Variants in MITF observed in about 807,000 individuals in gnomAD.
MITF encodes melanocyte inducing transcription factor, also known as microphthalmia-associated transcription factor.
Under a neutral mutation model 60.5 loss-of-function variants are expected in MITF, and 17 were observed. The ratio of observed to expected loss-of-function variants is 0.28; its 90% CI spans 0.19 to 0.42. The LOEUF (loss-of-function observed/expected upper bound fraction) is 0.42, where lower values mean the gene tolerates loss of function less well. MITF is among the 10% of genes least tolerant of loss of function. The pLI is 1.00. For missense variants in MITF, 622 were observed against 683.5 expected (o/e 0.91, Z 1.00); for synonymous variants, 260 against 248.5 (o/e 1.05, Z -0.43).
intron 1 of MITF, among the ~76,000 whole-genome samples, chr3:69,834,391 C>CT (rs2063505355): frequency 6.6e-6 from 1 of 152,092 alleles, no homozygotes; most frequent in Admixed American, 6.6e-5. Context: ...TGTTTTACCC[C>CT]TTAGATTTCA....
intron 1 of MITF, among the ~76,000 whole-genome samples, chr3:69,743,474 G>A (rs1703608177): frequency 6.6e-6 from 1 of 152,184 alleles, no homozygotes; most frequent in African/African-American, 2.4e-5. Flanking sequence ...AGATATTCAA[G>A]TCTTTCATGA....
intron 2 of MITF, among the ~76,000 whole-genome samples, chr3:69,930,004 C>T (rs1159214634): frequency 6.6e-6 from 1 of 152,060 alleles, no homozygotes; most frequent in Non-Finnish European, 1.5e-5. Flanking sequence ...CCCCCGCCCC[C>T]AACAAAAATG....
intron 1 of MITF, among the ~76,000 whole-genome samples, chr3:69,856,857 T>C (rs1575827020): frequency 6.6e-6 from 1 of 152,192 alleles, no homozygotes; most frequent in East Asian, 1.9e-4. Context: ...ATTGTTTCTT[T>C]CTAGTAAATG....
intron 1 of MITF, among the ~76,000 whole-genome samples, chr3:69,776,386 C>T (rs1031677290): frequency 1.3e-5 from 2 of 152,168 alleles, no homozygotes; most frequent in Non-Finnish European, 2.9e-5. Context: ...CTCTGGAGGG[C>T]CTGGCTTCTG....
chr3:69,866,900 G>C (rs561943242), intron 1 of MITF, among the ~76,000 whole-genome samples: 4 of 136,706 alleles, frequency 2.9e-5, no homozygotes, highest in Non-Finnish European at 4.7e-5. Context: ...TTGCATTCTT[G>C]TATATTGATT....
chr3:69,740,596 T>G (rs1191914739), intron 1 of MITF, among the ~76,000 whole-genome samples: 1 of 152,118 alleles, frequency 6.6e-6, no homozygotes, highest in Non-Finnish European at 1.5e-5. Flanking sequence ...ATGGATTGGG[T>G]GTCTTCCGTT....
At chr3:69,778,620 A>C (rs1027243623) in intron 1 of MITF, among the ~76,000 whole-genome samples, 14 of 152,276 alleles carry the variant, frequency 9.2e-5, no homozygotes, top group African/African-American at 3.4e-4. Context: ...ACACTTTAAG[A>C]AGAGTGTAAA....
chr3:69,831,671 C>G (rs1036877422), intron 1 of MITF, among the ~76,000 whole-genome samples: 9 of 152,180 alleles, frequency 5.9e-5, no homozygotes, highest in Non-Finnish European at 1.3e-4. Flanking sequence ...TTTTACCCCT[C>G]AGTGCCAGGT....
chr3:69,828,818 A>T (rs2063397793), intron 1 of MITF, among the ~76,000 whole-genome samples: 1 of 152,158 alleles, frequency 6.6e-6, no homozygotes, highest in East Asian at 1.9e-4. Flanking sequence ...GAACTTGCTA[A>T]TTTTATTCCT....
chr3:69,746,369 G>A (rs1703728648), intron 1 of MITF, among the ~76,000 whole-genome samples: 1 of 152,004 alleles, frequency 6.6e-6, no homozygotes. Context: ...TGTATCTTGG[G>A]ACAAATCAAA....
At chr3:69,746,461 T>C (rs1703731270) in intron 1 of MITF, among the ~76,000 whole-genome samples, 1 of 152,202 alleles carries the variant, frequency 6.6e-6, no homozygotes, top group Admixed American at 6.5e-5. Flanking sequence ...AATCCTTGGC[T>C]ACTTTCTTTT....
At chr3:69,839,886 C>G (rs1323435660) in intron 1 of MITF, among the ~76,000 whole-genome samples, 1 of 152,050 alleles carries the variant, frequency 6.6e-6, no homozygotes, top group Admixed American at 6.6e-5. Flanking sequence ...CCCCATCCCC[C>G]TCCCCCCACA....
intron 5 of MITF, among the ~76,000 whole-genome samples, chr3:69,945,631 TAGAA>T (rs2066076510): frequency 6.6e-6 from 1 of 152,222 alleles, no homozygotes. Flanking sequence ...GAGCGGTTGA[TAGAA>T]AGAACATACA....
chr3:69,845,413 T>A (rs927442709), intron 1 of MITF, among the ~76,000 whole-genome samples: 1 of 150,532 alleles, frequency 6.6e-6, no homozygotes, highest in African/African-American at 2.4e-5. Context: ...TTCTTTGTTT[T>A]CTTTTCTTTT....
At chr3:69,931,864 C>A (rs1022779640) in intron 2 of MITF, among the ~76,000 whole-genome samples, 2 of 152,170 alleles carry the variant, frequency 1.3e-5, no homozygotes, top group Non-Finnish European at 2.9e-5. Flanking sequence ...TTCGCCTCTG[C>A]GGACAGAATA....
At position 69,941,309 on chromosome 3, in the gene MITF, C is replaced by T; in HGVS notation, c.740C>T (p.Pro247Leu). 2 of 1,612,546 alleles carry T rather than the reference C, an allele frequency of 1.2e-6. No homozygotes were observed. The highest frequency in any genetic ancestry group is 1.7e-6 in the Non-Finnish European group (2 of 1,178,850). ...YNEEILGLMD[P>L]ALQMANTLPV... ...GAGGAAATCTTGGGCTTGATGGATC[C>T]TGCTTTGCAAATGGCAAATACGGTA... The change falls in exon 5 of 10, where the codon CCT (proline) becomes CTT (leucine). Residue 247 changes from proline (P) to leucine (L), a missense_variant. By Grantham distance (98) the Pro-to-Leu change is moderately conservative. This residue lies in a region of MITF where 215 missense variants were observed against 224.8 expected (regional missense o/e 0.96). Coordinates refer to ENST00000352241, the MANE Select transcript of MITF (RefSeq NM_001354604.2).
At chr3:69,942,629 T>C (rs1349064456) in intron 5 of MITF, among the ~76,000 whole-genome samples, 1 of 152,092 alleles carries the variant, frequency 6.6e-6, no homozygotes, top group Admixed American at 6.6e-5. Context: ...AAGAACCAGG[T>C]GTTCTACTAT....
intron 2 of MITF, among the ~76,000 whole-genome samples, chr3:69,889,438 T>C (rs2064707426): frequency 1.3e-5 from 2 of 149,160 alleles, no homozygotes. Context: ...TGATAGAATA[T>C]GAACCAAGTA....
Position 69,958,655 on chromosome 3 carries a change from G to A in MITF, c.1032-618G>A, listed in dbSNP as rs868377022. ...GATCTCACAGATCTGTTTTACCATCGTTTATTCTCACTGAGTTAACTTTTG... is the reference window on the plus strand; with the variant it reads ...GATCTCACAGATCTGTTTTACCATCATTTATTCTCACTGAGTTAACTTTTG... On this transcript the variant is annotated intron_variant, in intron 8 of 9. Transcript: ENST00000352241. 2.6e-5 allele frequency among the ~76,000 whole-genome samples: 4 copies of A among 151,322 alleles called. No individual in the cohort carries two copies. The South Asian group carries it at 8.3e-4, about 32-fold the overall frequency.
Sources: gnomAD v4.1 joint callset for allele counts (sites outside exome capture counted in the v4.1 genomes callset) on GRCh38, gnomAD v4.1.1 for gene constraint, gnomAD v4.1.1 regional missense constraint, MANE v1.5 for transcripts, NCBI Gene and HGNC (gene_info 2026-07-23, HGNC 2026-07-21) for gene names.